The following NYAP1 variants were observed in gnomAD, a reference collection of about 807,000 sequenced individuals.
NYAP1 encodes neuronal tyrosine phosphorylated phosphoinositide-3-kinase adaptor 1, also known as neuronal tyrosine-phosphorylated phosphoinositide-3-kinase adapter 1.
NYAP1 carries 20 observed loss-of-function variants against 58.6 expected under a neutral mutation model. The observed-to-expected ratio is 0.34, with a 90% CI of 0.24 to 0.50. The LOEUF (loss-of-function observed/expected upper bound fraction) is 0.50, where lower values mean the gene tolerates loss of function less well. Ranked by LOEUF, NYAP1 falls within the 20% of genes least tolerant of loss-of-function variation. The pLI, the probability that NYAP1 is intolerant of heterozygous loss-of-function variation, is 0.98. For missense variants in NYAP1, 1,150 were observed against 1,194.5 expected (o/e 0.96, Z 0.55); for synonymous variants, 572 against 523.1 (o/e 1.09, Z -1.27).
intron 6 of NYAP1, among the ~76,000 whole-genome samples, chr7:100,491,961 C>T (rs1466047581): frequency 7.9e-5 from 12 of 152,176 alleles, no homozygotes; most frequent in African/African-American, 1.2e-4. Context: ...GCATAAGAAT[C>T]GCCTGAACCC....
In NYAP1 at chr7:100,493,835, G is replaced by T; in HGVS notation, c.2458G>T (p.Glu820Ter). The change falls in exon 7 of 7, where the codon GAG becomes TAG. Residue 820 changes from glutamate (E) to a stop codon, truncating the protein, a stop_gained. Transcript: ENST00000300179. LOFTEE classifies it high-confidence loss of function. ...PILPSWRRGP[E>*]PRKSGTPPCR... ...CCTCCCCAGCTGGCGGCGGGGACCC[G>T]AGCCCCGCAAGTCCGGCACCCCGCC... is the stretch of plus-strand genomic sequence containing the variant. 6.4e-7 allele frequency: 1 copy of T among 1,570,694 alleles called. No homozygotes were observed.
chr7:100,493,955 C>T lies in NYAP1; in HGVS notation c.*52C>T. The T allele has an allele frequency of 7.4e-7, 1 of 1,358,698 alleles. No homozygotes were observed. Among genetic ancestry groups the T allele is most frequent in the Non-Finnish European group, 9.6e-7 (1 of 1,043,878 alleles). The allele number at this position is 1,358,698 out of a possible 1,614,324, so 84.2% of individuals were successfully genotyped here. A position where few individuals can be genotyped will look rare whatever the true frequency, so the allele number is the denominator to read the frequency against. On this transcript the variant is annotated 3_prime_UTR_variant, in exon 7 of 7. Coordinates refer to ENST00000300179, the MANE Select transcript of NYAP1 (RefSeq NM_173564.4). ...TGGACTGGGGAGGGGGCGGGCACGC[C>T]TGGCTCTCCCGGGAGCCTCGCCTTG...
At chr7:100,493,184 A>G (rs1428935977) in intron 6 of NYAP1, among the ~76,000 whole-genome samples, 1 of 152,058 alleles carries the variant, frequency 6.6e-6, no homozygotes, top group Non-Finnish European at 1.5e-5. Context: ...ATACAAAAAT[A>G]AACTTTAATT....
Position 100,487,070 on chromosome 7 carries a change from A to C in NYAP1, c.318A>C (p.Thr106=), listed in dbSNP as rs756164864. Residue 106 remains threonine, a synonymous_variant, in exon 3 of 7, where the codon ACA becomes ACC. Coordinates refer to ENST00000300179, the MANE Select transcript of NYAP1 (RefSeq NM_173564.4). This position sits in a 1 kb window ranked among gnomAD's most constrained non-coding sequence, Gnocchi z 4.1. ...GGPGGASGGL[T]EDSSTRRPPA... is the part of the protein sequence containing the mutation. ...CTGGCGGGGCCAGTGGGGGCCTCACAGAGGACAGCAGCACCCGAAGACCCC... is the reference window on the plus strand; with the variant it reads ...CTGGCGGGGCCAGTGGGGGCCTCACCGAGGACAGCAGCACCCGAAGACCCC... 9.4e-6 allele frequency: 15 copies of C among 1,596,932 alleles called. No homozygotes were observed. In the East Asian group the frequency reaches 2.5e-4, roughly 27 times the overall value.
In NYAP1 at chr7:100,490,268, A is replaced by G. The variant is rs1171077027; in HGVS notation, c.1946-249A>G. Among the ~76,000 whole-genome samples the G allele has an allele frequency of 1.3e-5, 2 of 152,076 alleles. No homozygotes were observed. The highest frequency in any genetic ancestry group is 2.9e-5 in the Non-Finnish European group (2 of 68,000). ...GTTGGGGAGGCCCCTCTGACCAGGGAAAAGGGTTTGGATGCAGCACATAGA... is the reference window on the plus strand; with the variant it reads ...GTTGGGGAGGCCCCTCTGACCAGGGGAAAGGGTTTGGATGCAGCACATAGA... On this transcript the variant is annotated intron_variant, in intron 4 of 6. Transcript: ENST00000300179. The surrounding 1 kb of genome is among the most constrained non-coding windows in gnomAD (Gnocchi z 4.6).
At chr7:100,493,606 C>T in intron 6 of NYAP1, 40 bp from the exon 7 acceptor site, 11 of 1,525,902 alleles carry the variant, frequency 7.2e-6, no homozygotes, top group Non-Finnish European at 9.6e-6. Flanking sequence ...AGGTCCCCGA[C>T]CTTACCCGCG....
Position 100,488,969 on chromosome 7 carries a change from C to A in NYAP1, c.1248C>A (p.Gly416=). ...CACCGTTGCCACCCCAGGGCTCTGG[C>A]CAGCCCCGGGGGGAGCGGGAGCTCC... is the stretch of plus-strand genomic sequence containing the variant. The part of the protein sequence containing the change: ...HSTPLPPQGS[G]QPRGERELPN... The change falls in exon 4 of 7, where the codon GGC becomes GGA. Residue 416 remains glycine, a synonymous_variant. Coordinates refer to ENST00000300179, the MANE Select transcript of NYAP1 (RefSeq NM_173564.4). The surrounding 1 kb of genome is among the most constrained non-coding windows in gnomAD (Gnocchi z 5.9). The A allele has an allele frequency of 6.3e-7, 1 of 1,575,238 alleles. No homozygotes were observed. Among genetic ancestry groups the A allele is most frequent in the South Asian group, 1.1e-5 (1 of 87,172 alleles).
chr7:100,488,878 C>T lies in NYAP1; in HGVS notation c.1157C>T (p.Pro386Leu), dbSNP rs376546614. 1.8e-4 allele frequency: 282 copies of T among 1,599,256 alleles called. No individual in the cohort carries two copies. Among genetic ancestry groups the T allele is most frequent in the South Asian group, 1.6e-3 (142 of 89,836 alleles). ...CGGGAGCGGGAGACGCCTCCCCCAC[C>T]GCCTCCACCTCCTGCTGCCAACCTG... is the stretch of plus-strand genomic sequence containing the variant. Reference protein sequence around the residue: ...PARERETPPPPPPPPAANLLL... With the variant: ...PARERETPPPLPPPPAANLLL... Residue 386 changes from proline to leucine, a missense_variant, in exon 4 of 7, where the codon CCG becomes CTG. Coordinates refer to ENST00000300179, the MANE Select transcript of NYAP1 (RefSeq NM_173564.4). This position sits in a 1 kb window ranked among gnomAD's most constrained non-coding sequence, Gnocchi z 5.9.
Position 100,488,164 on chromosome 7 carries a change from C to G in NYAP1, c.443C>G (p.Pro148Arg). Residue 148 changes from proline (P) to arginine (R), a missense_variant, in exon 4 of 7, where the codon CCA becomes CGA. Physicochemically the swap from Pro to Arg is moderately radical, Grantham distance 103 (BLOSUM62 -2). Transcript: ENST00000300179. This position sits in a 1 kb window ranked among gnomAD's most constrained non-coding sequence, Gnocchi z 5.9. The stretch of plus-strand genomic sequence containing the variant: ...TTGTCCTGTCCAGGCTCACAGAAGC[C>G]AACCCCAGAGGGCCGAGAGTCCAGC... ...PPSKKAGSQKPTPEGRESSRK... is the reference protein window; with the variant it reads ...PPSKKAGSQKRTPEGRESSRK... 1 of 1,590,996 alleles carries G rather than the reference C, an allele frequency of 6.3e-7. No homozygotes were observed. Among genetic ancestry groups the G allele is most frequent in the South Asian group, 1.1e-5 (1 of 87,654 alleles).
chr7:100,484,338 C>T (rs958006662), intron 1 of NYAP1, among the ~76,000 whole-genome samples: 6 of 152,066 alleles, frequency 3.9e-5, no homozygotes, highest in South Asian at 2.1e-4. Flanking sequence ...CAGACTGGAG[C>T]CCCCCGGGTG....
At chr7:100,491,686 C>A (rs1008046919) in intron 6 of NYAP1, among the ~76,000 whole-genome samples, 10 of 151,440 alleles carry the variant, frequency 6.6e-5, no homozygotes, top group African/African-American at 2.4e-4. Context: ...CCGAGGCGGG[C>A]AGATCACTTG....
In NYAP1 at chr7:100,486,799, C is replaced by T. The variant is rs1351344764; in HGVS notation, c.69-22C>T. The T allele has an allele frequency of 4.8e-6, 7 of 1,447,262 alleles. No individual in the cohort carries two copies. In the Admixed American group the frequency reaches 1.6e-4, roughly 33 times the overall value. The allele number at this position is 1,447,262 out of a possible 1,614,324, so 89.7% of individuals were successfully genotyped here. A position where few individuals can be genotyped will look rare whatever the true frequency, so the allele number is the denominator to read the frequency against. On this transcript the variant is annotated intron_variant, in intron 2 of 6. Transcript: ENST00000300179. The surrounding 1 kb of genome is among the most constrained non-coding windows in gnomAD (Gnocchi z 6.2). ...CAGGTCCGAGGCCCTTCCTCCACTC[C>T]ATCGTGGCCTTCTCTCCCCAGCTCC...
intron 6 of NYAP1, among the ~76,000 whole-genome samples, chr7:100,493,443 G>A (rs1393065950): frequency 6.6e-6 from 1 of 152,216 alleles, no homozygotes; most frequent in African/African-American, 2.4e-5. Flanking sequence ...GGAAGACTAG[G>A]GAGTGGCTGG....
chr7:100,493,686 A>G lies in NYAP1; in HGVS notation c.2309A>G (p.Gln770Arg). The change falls in exon 7 of 7, where the codon CAG (glutamine) becomes CGG (arginine). Residue 770 changes from glutamine to arginine, a missense_variant. Physicochemically the swap from Gln to Arg is conservative, Grantham distance 43 (BLOSUM62 1). Coordinates refer to ENST00000300179, the MANE Select transcript of NYAP1 (RefSeq NM_173564.4). ...ALPLPLPLPP[Q>R]PARERDGKLL... ...CCGCTGCCTCTGCCCCTGCCGCCCCAGCCGGCCCGCGAGCGTGACGGGAAG... is the reference window on the plus strand; with the variant it reads ...CCGCTGCCTCTGCCCCTGCCGCCCCGGCCGGCCCGCGAGCGTGACGGGAAG... 6.3e-7 allele frequency: 1 copy of G among 1,590,862 alleles called. No homozygotes were observed. The highest frequency in any genetic ancestry group is 8.5e-7 in the Non-Finnish European group (1 of 1,173,158).
At position 100,488,648 on chromosome 7, in the gene NYAP1, C is replaced by T. The variant is rs751599850; in HGVS notation, c.927C>T (p.Ser309=). ...GCCGCCCAGCTTCAGCCCTCCCGAG[C>T]CGGAGGGACGGGACGCCCACCAAGA... ...AHRRPASALP[S]RRDGTPTKTT... is the part of the protein sequence containing the mutation. The change falls in exon 4 of 7, where the codon AGC becomes AGT. Residue 309 remains serine, a synonymous_variant. Coordinates refer to ENST00000300179, the MANE Select transcript of NYAP1 (RefSeq NM_173564.4). The surrounding 1 kb of genome is among the most constrained non-coding windows in gnomAD (Gnocchi z 5.9). 1 of 1,610,112 alleles carries T rather than the reference C, an allele frequency of 6.2e-7. No homozygotes were observed. The highest frequency in any genetic ancestry group is 8.5e-7 in the Non-Finnish European group (1 of 1,178,852).
Position 100,488,401 on chromosome 7 carries a change from G to T in NYAP1, c.680G>T (p.Gly227Val). The stretch of plus-strand genomic sequence containing the variant: ...ATGGTGGGGGACGTCTTTAGGGGAG[G>T]AGGACGAAGTGGAGGAGGCCTGGCT... Reference protein sequence around the residue: ...IEMVGDVFRGGGRSGGGLAGP... With the variant: ...IEMVGDVFRGVGRSGGGLAGP... Residue 227 changes from glycine (G) to valine (V), a missense_variant, in exon 4 of 7, where the codon GGA becomes GTA. Transcript: ENST00000300179. This position sits in a 1 kb window ranked among gnomAD's most constrained non-coding sequence, Gnocchi z 5.9. The T allele has an allele frequency of 6.3e-7, 1 of 1,597,368 alleles. No homozygotes were observed.
At position 100,490,964 on chromosome 7, in the gene NYAP1, ACTC is replaced by A. The variant is rs764466443; in HGVS notation, c.2159-16_2159-14del. 16 of 1,481,948 alleles carry A rather than the reference ACTC, an allele frequency of 1.1e-5. No homozygotes were observed. The African/African-American group carries it at 1.8e-4, about 17-fold the overall frequency. 91.8% of individuals were successfully genotyped at this position (1,481,948 alleles called of 1,614,324 possible). On this transcript the variant is annotated intron_variant, in intron 5 of 6. Coordinates refer to ENST00000300179, the MANE Select transcript of NYAP1 (RefSeq NM_173564.4). The surrounding 1 kb of genome is among the most constrained non-coding windows in gnomAD (Gnocchi z 4.6). ...GGTACCTGAGGCCCCTGCACTCCTC[ACTC>A]CTCCTTCTTCCACCTCAGACTTCAC...
rs1343528334 is a variant in NYAP1 at position 100,486,808 on chromosome 7, C to T, written c.69-13C>T. ...GGCCCTTCCTCCACTCCATCGTGGC[C>T]TTCTCTCCCCAGCTCCAGTAAGGAG... On this transcript the variant is annotated splice_polypyrimidine_tract_variant and intron_variant, in intron 2 of 6. Coordinates refer to ENST00000300179, the MANE Select transcript of NYAP1 (RefSeq NM_173564.4). This position sits in a 1 kb window ranked among gnomAD's most constrained non-coding sequence, Gnocchi z 6.2. 1.4e-6 allele frequency: 2 copies of T among 1,465,630 alleles called. No homozygotes were observed. The highest frequency in any genetic ancestry group is 1.4e-5 in the South Asian group (1 of 71,988). The allele number at this position is 1,465,630 out of a possible 1,614,324, so 90.8% of individuals were successfully genotyped here. A position where few individuals can be genotyped will look rare whatever the true frequency, so the allele number is the denominator to read the frequency against.
Position 100,485,228 on chromosome 7 carries a change from T to C in NYAP1, c.-84T>C. On this transcript the variant is annotated splice_region_variant and 5_prime_UTR_variant, in exon 2 of 7. Transcript: ENST00000300179. The surrounding 1 kb of genome is among the most constrained non-coding windows in gnomAD (Gnocchi z 5.7). ...CGTTCTCACCCACCCCGCCCGCCAG[T>C]GGATCCGGGACCCAGGGAGGGCCGC... The C allele has an allele frequency of 4.7e-6, 3 of 644,800 alleles. No individual in the cohort carries two copies. The highest frequency in any genetic ancestry group is 3.4e-5 in the South Asian group (2 of 59,030). 39.9% of individuals were successfully genotyped at this position (644,800 alleles called of 1,614,324 possible).
Sources: allele counts gnomAD v4.1 joint callset (sites outside exome capture counted in the v4.1 genomes callset), GRCh38; gene constraint gnomAD v4.1.1; non-coding constraint Gnocchi (gnomAD v3.1); transcripts MANE v1.5; gene names NCBI Gene and HGNC (gene_info 2026-07-23, HGNC 2026-07-21).